Variants in UIMC1 observed in about 807,000 individuals in gnomAD.
UIMC1 encodes the protein BRCA1-A complex subunit RAP80.
In UIMC1, 42 loss-of-function variants were observed where a neutral mutation model predicts 84.9. The ratio of observed to expected loss-of-function variants is 0.49; its 90% CI spans 0.39 to 0.64. UIMC1 has a LOEUF of 0.64. UIMC1 is among the 30% of genes least tolerant of loss of function. The pLI, the probability that UIMC1 is intolerant of heterozygous loss-of-function variation, is 0.00. For missense variants in UIMC1, 825 were observed against 847.6 expected, an observed-to-expected ratio of 0.97 and a Z score of 0.33; for synonymous variants, 281 against 293.0, an observed-to-expected ratio of 0.96 and a Z score of 0.42.
chr5:177,001,840 C>T (rs1453148000), intron 1 of UIMC1, among the ~76,000 whole-genome samples: 1 of 150,312 alleles, frequency 6.7e-6, no homozygotes, highest in Non-Finnish European at 1.5e-5. Flanking sequence ...GTCCCAGCTA[C>T]TTGGGAGGCT....
chr5:177,021,288 A>T (rs1336785817), intron 1 of UIMC1, among the ~76,000 whole-genome samples: 4 of 152,082 alleles, frequency 2.6e-5, no homozygotes, highest in Non-Finnish European at 4.4e-5. Context: ...AAAACAATTT[A>T]AAAAAAGAAA....
chr5:176,988,679 ATTTTTTTTTTTTT>A (rs377752493), intron 1 of UIMC1, among the ~76,000 whole-genome samples: 1 of 135,774 alleles, frequency 7.4e-6, no homozygotes, highest in African/African-American at 2.7e-5. Flanking sequence ...TGTTAGGTGA[ATTTTTTTTTTTTT>A]TTTTTTTTTG....
chr5:176,932,409 A>G (rs943892547), intron 10 of UIMC1, among the ~76,000 whole-genome samples: 1 of 152,224 alleles, frequency 6.6e-6, no homozygotes, highest in African/African-American at 2.4e-5. Flanking sequence ...AAAAACTATA[A>G]GCAATGTCAT....
At position 176,927,848 on chromosome 5, in the gene UIMC1, C is replaced by T. The variant is rs1421478541; in HGVS notation, c.1597+15487G>A. ...ATTGGCAAACCATGGGATGGCCAGC[C>T]AGCTTTTTTTTTTTTTTTTTGAGAC... On this transcript the variant is annotated intron_variant, in intron 10 of 14. Coordinates refer to ENST00000511320, the MANE Select transcript of UIMC1 (RefSeq NM_001199298.2). Among the ~76,000 whole-genome samples the T allele has an allele frequency of 2.7e-5, 4 of 150,582 alleles. No individual in the cohort carries two copies. The East Asian group carries it at 7.8e-4, about 30-fold the overall frequency.
At chr5:176,907,302 C>G (rs771561650) in intron 12 of UIMC1, 125 bp from the exon 13 acceptor site, 1 of 866,258 alleles carries the variant, frequency 1.2e-6, no homozygotes, top group Non-Finnish European at 1.8e-6. Flanking sequence ...CTAGGGAAGT[C>G]TTTTGCTTTC....
intron 1 of UIMC1, among the ~76,000 whole-genome samples, chr5:176,990,735 A>G (rs1449477639): frequency 6.6e-6 from 1 of 152,048 alleles, no homozygotes; most frequent in Non-Finnish European, 1.5e-5. Context: ...TGCAATGTGT[A>G]TGATCATAGC....
intron 3 of UIMC1, among the ~76,000 whole-genome samples, chr5:176,971,395 C>G (rs1012894203): frequency 6.6e-6 from 1 of 152,070 alleles, no homozygotes; most frequent in Non-Finnish European, 1.5e-5. Flanking sequence ...GGCTGGGTCC[C>G]AAGTCCAAAG....
chr5:176,972,019 T>C (rs955010898), intron 3 of UIMC1, among the ~76,000 whole-genome samples: 1 of 152,242 alleles, frequency 6.6e-6, no homozygotes, highest in African/African-American at 2.4e-5. Context: ...ATTTGAAAAC[T>C]GATAAAATAA....
At chr5:176,944,355 TAC>T (rs1210044237) in intron 9 of UIMC1, among the ~76,000 whole-genome samples, 1 of 151,478 alleles carries the variant, frequency 6.6e-6, no homozygotes, top group African/African-American at 2.5e-5. Flanking sequence ...TCATTTCTCC[TAC>T]AGTTGCTGGT....
intron 6 of UIMC1, among the ~76,000 whole-genome samples, chr5:176,960,912 C>T (rs1257875606): frequency 3.5e-5 from 2 of 56,538 alleles, no homozygotes; most frequent in African/African-American, 1.4e-4. Context: ...GGATTGCAGA[C>T]GGAGTCTCGT....
At chr5:176,978,347 T>C (rs1770478802) in intron 2 of UIMC1, among the ~76,000 whole-genome samples, 1 of 152,128 alleles carries the variant, frequency 6.6e-6, no homozygotes, top group Non-Finnish European at 1.5e-5. Context: ...CACTCCAGCC[T>C]GGGCGACAGA....
At chr5:176,984,037 G>GCCA (rs1771518238) in intron 1 of UIMC1, among the ~76,000 whole-genome samples, 1 of 98,278 alleles carries the variant, frequency 1.0e-5, no homozygotes. Context: ...CTGCCCGGCC[G>GCCA]CCCCGTCTGG....
At chr5:177,015,161 T>A (rs1775644642) in intron 1 of UIMC1, among the ~76,000 whole-genome samples, 2 of 152,220 alleles carry the variant, frequency 1.3e-5, no homozygotes, top group Admixed American at 6.5e-5. Flanking sequence ...AGCAATGTGC[T>A]AAGTAGTTTA....
chr5:176,995,537 C>CAAAAA (rs57521139), intron 1 of UIMC1, among the ~76,000 whole-genome samples: 5 of 36,550 alleles, frequency 1.4e-4, no homozygotes, highest in African/African-American at 2.1e-4. Flanking sequence ...ACTCTGTCTC[C>CAAAAA]AAAAAAAAAA....
chr5:177,005,030 A>G (rs1195778872), intron 1 of UIMC1, among the ~76,000 whole-genome samples: 1 of 151,988 alleles, frequency 6.6e-6, no homozygotes, highest in African/African-American at 2.4e-5. Context: ...AGAAGCTGGG[A>G]ACCACAGGCA....
chr5:176,953,659 T>A (rs1766209524), intron 8 of UIMC1, among the ~76,000 whole-genome samples: 1 of 152,150 alleles, frequency 6.6e-6, no homozygotes, highest in South Asian at 2.1e-4. Flanking sequence ...ACTGCAATAA[T>A]AAAAAGTCTT....
At position 176,943,788 on chromosome 5, in the gene UIMC1, G is replaced by A. The variant is rs143213871; in HGVS notation, c.1444-300C>T. ...CAACTATGTATTAAACACTCTATATGTATTACTCATTTAATCTTACAAAGT... is the reference window on the plus strand; with the variant it reads ...CAACTATGTATTAAACACTCTATATATATTACTCATTTAATCTTACAAAGT... On this transcript the variant is annotated intron_variant, in intron 9 of 14. Transcript: ENST00000511320. Among the ~76,000 whole-genome samples the A allele has an allele frequency of 2.6e-3, 397 of 152,260 alleles. 5 individuals are homozygous for A. The highest frequency in any genetic ancestry group is 9.0e-3 in the African/African-American group (373 of 41,542).
At chr5:176,981,709 G>C (rs1771083352) in intron 2 of UIMC1, among the ~76,000 whole-genome samples, 1 of 152,070 alleles carries the variant, frequency 6.6e-6, no homozygotes, top group East Asian at 1.9e-4. Flanking sequence ...GCTGAGGTGG[G>C]ACCAGGAGAA....
At chr5:176,906,430 T>C (rs1162936490) in intron 13 of UIMC1, among the ~76,000 whole-genome samples, 2 of 152,180 alleles carry the variant, frequency 1.3e-5, no homozygotes, top group Non-Finnish European at 2.9e-5. Flanking sequence ...ATTTGCTTGG[T>C]GGGAATGAAC....
Sources: gnomAD v4.1 joint callset for allele counts (sites outside exome capture counted in the v4.1 genomes callset) on GRCh38, gnomAD v4.1.1 for gene constraint, MANE v1.5 for transcripts, NCBI Gene and HGNC (gene_info 2026-07-23, HGNC 2026-07-21) for gene names.